Variants in SLC22A8 observed in about 807,000 individuals in gnomAD.
SLC22A8 encodes solute carrier family 22 member 8, also known as organic anion transporter 3.
SLC22A8 carries 40 observed loss-of-function variants against 48.4 expected under a neutral mutation model. The ratio of observed to expected loss-of-function variants is 0.83; its 90% CI spans 0.64 to 1.08. SLC22A8 has a LOEUF of 1.08. Ranked by LOEUF, SLC22A8 falls within the 50% of genes least tolerant of loss-of-function variation. The pLI, the probability that SLC22A8 is intolerant of heterozygous loss-of-function variation, is 0.00. For synonymous variants in SLC22A8, 268 were observed against 286.3 expected, an observed-to-expected ratio of 0.94 and a Z score of 0.65; for missense variants, 606 against 699.0, an observed-to-expected ratio of 0.87 and a Z score of 1.50.
At chr11:62,998,720 C>G (rs1352646758) in intron 5 of SLC22A8, among the ~76,000 whole-genome samples, 1 of 152,208 alleles carries the variant, frequency 6.6e-6, no homozygotes, top group East Asian at 1.9e-4. Context: ...CAGGCAGGCC[C>G]TCCTTCCCCA....
rs566717466 is a variant in SLC22A8, at chr11:63,011,127, G to A, written c.333+3499C>T. Among the ~76,000 whole-genome samples the A allele has an allele frequency of 2.0e-4, 31 of 152,320 alleles. No individual in the cohort carries two copies. The South Asian group carries it at 5.2e-3, about 25-fold the overall frequency. On this transcript the variant is annotated intron_variant, in intron 2 of 10. Coordinates refer to ENST00000336232, the MANE Select transcript of SLC22A8 (RefSeq NM_004254.4). ...CAGCAGGGTGCACAGTCAGCCTCAC[G>A]GATTGTGGGTTGGGGGTTGTGCATT...
At chr11:62,993,925 T>A in intron 8 of SLC22A8, 47 bp from the exon 9 acceptor site, 1 of 1,182,536 alleles carries the variant, frequency 8.5e-7, no homozygotes, top group Non-Finnish European at 1.3e-6. Context: ...CAGGAGCACC[T>A]AAGAGTTCTC....
intron 2 of SLC22A8, among the ~76,000 whole-genome samples, chr11:63,011,604 G>A (rs957840341): frequency 6.6e-6 from 1 of 152,092 alleles, no homozygotes; most frequent in African/African-American, 2.4e-5. Flanking sequence ...CAGTTACCAG[G>A]TCCCAGAGAC....
At position 62,996,041 on chromosome 11, in the gene SLC22A8, C is replaced by G. The variant is rs775502766; in HGVS notation, c.873G>C (p.Arg291Ser). The G allele has an allele frequency of 1.2e-6, 2 of 1,614,092 alleles. No individual in the cohort carries two copies. The highest frequency in any genetic ancestry group is 8.5e-7 in the Non-Finnish European group (1 of 1,179,998). ...CCTCAGCCCCTACCTCCAAGCTGAG[C>G]CTTTCTCCCTCTTCCTTCTTGCCAT... ...VFNGKKEEGERLSLEELKLNL... is the reference protein window; with the variant it reads ...VFNGKKEEGESLSLEELKLNL... Residue 291 changes from arginine to serine, a missense_variant, in exon 6 of 11, where the codon AGG becomes AGC. Physicochemically the swap from Arg to Ser is moderately radical, Grantham distance 110. Coordinates refer to ENST00000336232, the MANE Select transcript of SLC22A8 (RefSeq NM_004254.4).
At chr11:63,002,147 T>A (rs1017178207) in intron 2 of SLC22A8, among the ~76,000 whole-genome samples, 1 of 152,170 alleles carries the variant, frequency 6.6e-6, no homozygotes, top group African/African-American at 2.4e-5. Context: ...TGGCCTCAAG[T>A]GATCTGCCTG....
At chr11:63,013,615 T>C (rs759084268) in intron 2 of SLC22A8, among the ~76,000 whole-genome samples, 4 of 152,342 alleles carry the variant, frequency 2.6e-5, no homozygotes, top group Non-Finnish European at 4.4e-5. Context: ...CTCCCTGTAC[T>C]TCTTATGGGC....
chr11:63,004,730 G>C (rs577935324), intron 2 of SLC22A8, among the ~76,000 whole-genome samples: 37 of 152,276 alleles, frequency 2.4e-4, no homozygotes, highest in Admixed American at 1.7e-3. Flanking sequence ...AAGGCTTTTA[G>C]TCTGTTTTGT....
At chr11:62,995,457 A>G in intron 7 of SLC22A8, 1 of 549,704 alleles carries the variant, frequency 1.8e-6, no homozygotes, top group Non-Finnish European at 3.3e-6. Context: ...GGCCTGGAAC[A>G]TTTGTCCTGT....
intron 2 of SLC22A8, among the ~76,000 whole-genome samples, chr11:63,001,173 C>T (rs1051688056): frequency 4.6e-5 from 7 of 152,256 alleles, no homozygotes; most frequent in Admixed American, 2.6e-4. Flanking sequence ...AGTCCCTCTG[C>T]GTACCCCCTT....
chr11:62,996,078 AC>A lies in SLC22A8; in HGVS notation c.835del (p.Val279TrpfsTer48). 6.2e-7 allele frequency: 1 copy of A among 1,613,972 alleles called. No individual in the cohort carries two copies. Among genetic ancestry groups the A allele is most frequent in the Non-Finnish European group, 8.5e-7 (1 of 1,179,968 alleles). ...TTCCTTCTTGCCATTGAAGACAGCC[AC>A]CCGCCGGAGTATCTTCAGGGCCTTC... ...SSKALKILRR[V>X]AVFNGKKEEG... is the part of the protein sequence containing the mutation. On this transcript the variant is annotated frameshift_variant, in exon 6 of 11. Transcript: ENST00000336232. LOFTEE classifies it high-confidence loss of function.
At chr11:62,995,160 C>T (rs1417143269) in intron 7 of SLC22A8, 1 of 298,458 alleles carries the variant, frequency 3.4e-6, no homozygotes, top group Admixed American at 4.4e-5. Flanking sequence ...TCTCTCTGAA[C>T]TGTGGGATCC....
chr11:63,003,878 T>G (rs917696414), intron 2 of SLC22A8, among the ~76,000 whole-genome samples: 1 of 152,174 alleles, frequency 6.6e-6, no homozygotes, highest in Non-Finnish European at 1.5e-5. Context: ...AACCACCCAT[T>G]GGCCTAAAAT....
chr11:63,000,234 G>A (rs549831884), intron 3 of SLC22A8, among the ~76,000 whole-genome samples: 8 of 152,174 alleles, frequency 5.3e-5, no homozygotes, highest in African/African-American at 9.6e-5. Context: ...CTGTAATCCC[G>A]GCACTTTGGG....
In SLC22A8 at chr11:63,014,760, T is replaced by C. The variant is rs2086655682; in HGVS notation, c.199A>G (p.Asn67Asp). The C allele has an allele frequency of 6.2e-6, 10 of 1,614,082 alleles. No homozygotes were observed. The highest frequency in any genetic ancestry group is 8.5e-6 in the Non-Finnish European group (10 of 1,179,934). The change falls in exon 2 of 11, where the codon AAT becomes GAT. Residue 67 changes from asparagine (N) to aspartate (D), a missense_variant. Asn to Asp is a conservative substitution (Grantham distance 23, BLOSUM62 1). Transcript: ENST00000336232. Reference sequence around the variant, plus strand: ...CGGAGGCACCTCTCAGGCTTCCCATTTGGGCCCATGGGGAGCACCCAAGGC... The same window carrying C: ...CGGAGGCACCTCTCAGGCTTCCCATCTGGGCCCATGGGGAGCACCCAAGGC... ...TGPWVLPMGP[N>D]GKPERCLRFV...
At chr11:62,993,908 T>G (rs745583328) in intron 8 of SLC22A8, 30 bp from the exon 9 acceptor site, 4 of 1,409,292 alleles carry the variant, frequency 2.8e-6, no homozygotes, top group Admixed American at 1.7e-5. Flanking sequence ...TGGTGGGCCT[T>G]GGAGTTCAGG....
At chr11:63,000,048 T>G (rs2086473147) in intron 3 of SLC22A8, among the ~76,000 whole-genome samples, 1 of 152,234 alleles carries the variant, frequency 6.6e-6, no homozygotes, top group Admixed American at 6.5e-5. Context: ...ATGAGTGATC[T>G]CCTCTACATC....
In SLC22A8 at chr11:63,006,196, T is replaced by A. The variant is rs1337441746; in HGVS notation, c.334-5373A>T. Among the ~76,000 whole-genome samples the A allele has an allele frequency of 2.0e-5, 3 of 152,166 alleles. No homozygotes were observed. The East Asian group carries it at 5.8e-4, about 29-fold the overall frequency. On this transcript the variant is annotated intron_variant, in intron 2 of 10. Transcript: ENST00000336232. ...GTGACTTGTGTTTCCCTTGACTGTG[T>A]CTCCATGGTAGTCTGAGCCATGCAA...
intron 1 of SLC22A8, 21 bp from the exon 2 acceptor site, chr11:63,015,004 A>G: frequency 6.7e-7 from 1 of 1,492,606 alleles, no homozygotes; most frequent in Non-Finnish European, 9.0e-7. Context: ...GGCATAGGCC[A>G]GGGAGAGGTA....
At chr11:63,007,099 C>G (rs2086565309) in intron 2 of SLC22A8, among the ~76,000 whole-genome samples, 1 of 152,080 alleles carries the variant, frequency 6.6e-6, no homozygotes, top group Non-Finnish European at 1.5e-5. Flanking sequence ...TTGAGTGTGA[C>G]TTGTGTTTCC....
Sources: allele counts gnomAD v4.1 joint callset (sites outside exome capture counted in the v4.1 genomes callset), GRCh38; gene constraint gnomAD v4.1.1; transcripts MANE v1.5; gene names NCBI Gene and HGNC (gene_info 2026-07-23, HGNC 2026-07-21).